The following ITPR1 variants were observed in gnomAD, a reference collection of about 807,000 sequenced individuals.
ITPR1 encodes the protein inositol 1,4,5-trisphosphate-gated calcium channel ITPR1.
ITPR1 carries 96 observed loss-of-function variants against 318.4 expected under a neutral mutation model. The ratio of observed to expected loss-of-function variants is 0.30; its 90% CI spans 0.26 to 0.36. ITPR1 has a LOEUF of 0.36. ITPR1 is among the 10% of genes least tolerant of loss of function. ITPR1 has a pLI of 1.00. For missense variants in ITPR1, 2,440 were observed against 3,460.2 expected (o/e 0.71, Z 7.40); for synonymous variants, 1,312 against 1,289.9 (o/e 1.02, Z -0.37).
intron 4 of ITPR1, among the ~76,000 whole-genome samples, chr3:4,613,026 G>A (rs978169038): frequency 6.6e-6 from 1 of 152,226 alleles, no homozygotes; most frequent in East Asian, 1.9e-4. Context: ...CTGTGACACA[G>A]TCTCTGGAAG....
chr3:4,643,961 C>A (rs1470840058), intron 7 of ITPR1, among the ~76,000 whole-genome samples, 175 bp from the exon 8 acceptor site: 1 of 152,116 alleles, frequency 6.6e-6, no homozygotes, highest in African/African-American at 2.4e-5. Flanking sequence ...ACATGACCCC[C>A]TCTGCACAGG....
chr3:4,711,149 T>C (rs183759929), intron 38 of ITPR1, among the ~76,000 whole-genome samples: 124 of 133,738 alleles, frequency 9.3e-4, no homozygotes, highest in Middle Eastern at 5.1e-3. Context: ...AAGCAGAGGC[T>C]ACAGTGAGCC....
chr3:4,688,793 G>A (rs148467367), intron 31 of ITPR1, among the ~76,000 whole-genome samples, 173 bp downstream of exon 31: 35 of 152,282 alleles, frequency 2.3e-4, no homozygotes, highest in Admixed American at 5.2e-4. Flanking sequence ...CTCATCTTTT[G>A]GGGATGAGAT....
intron 52 of ITPR1, among the ~76,000 whole-genome samples, chr3:4,790,358 A>G (rs1056640976): frequency 3.3e-5 from 5 of 152,216 alleles, no homozygotes; most frequent in African/African-American, 9.6e-5. Context: ...TCATTATGCC[A>G]AGACTTATAT....
chr3:4,634,883 C>A (rs918555657), intron 5 of ITPR1, among the ~76,000 whole-genome samples: 7 of 152,158 alleles, frequency 4.6e-5, no homozygotes, highest in African/African-American at 1.7e-4. Context: ...GGATTACAGG[C>A]ATGCACCACC....
chr3:4,815,004 C>A, intron 58 of ITPR1, 49 bp from the exon 59 acceptor site: 9 of 1,509,588 alleles, frequency 6.0e-6, no homozygotes, highest in Non-Finnish European at 8.1e-6. Flanking sequence ...CTCCGCAGAC[C>A]AAAGGGTCGC....
At chr3:4,789,364 C>T (rs2125407633) in intron 52 of ITPR1, among the ~76,000 whole-genome samples, 1 of 152,290 alleles carries the variant, frequency 6.6e-6, no homozygotes, top group East Asian at 1.9e-4. Context: ...GTAGATTCCT[C>T]AAAGACTCTT....
chr3:4,729,639 C>T (rs1411123719), intron 42 of ITPR1, among the ~76,000 whole-genome samples: 1 of 152,196 alleles, frequency 6.6e-6, no homozygotes, highest in Non-Finnish European at 1.5e-5. Context: ...TAGTTCAGTT[C>T]ATATCAGTGG....
chr3:4,590,174 C>CTTT lies in ITPR1; in HGVS notation c.164-37570_164-37568dup, dbSNP rs10713337. Among the ~76,000 whole-genome samples the CTTT allele has an allele frequency of 5.7e-4, 50 of 87,434 alleles. 1 individual carries two copies. The highest frequency in any genetic ancestry group is 8.0e-4 in the Admixed American group (6 of 7,514). The allele number at this position is 87,434 out of a possible 152,430, so 57.4% of individuals were successfully genotyped here. A position where few individuals can be genotyped will look rare whatever the true frequency, so the allele number is the denominator to read the frequency against. On this transcript the variant is annotated intron_variant, in intron 4 of 61. Coordinates refer to ENST00000649015, the MANE Select transcript of ITPR1 (RefSeq NM_001378452.1). The stretch of plus-strand genomic sequence containing the variant: ...CCCTTTGTGTCTCCTCTTCGTCTTG[C>CTTT]TTTTTTTTTTTTTTTTTTTTTGTCT...
At chr3:4,667,583 T>TA in intron 18 of ITPR1, 34 bp downstream of exon 18, 1 of 1,581,070 alleles carries the variant, frequency 6.3e-7, no homozygotes, top group South Asian at 1.1e-5. Flanking sequence ...CAGGATGGTG[T>TA]CTCTGCCTGT....
In ITPR1 at chr3:4,815,205, G is replaced by A. The variant is rs777975463; in HGVS notation, c.7854G>A (p.Thr2618=). The A allele has an allele frequency of 1.4e-5, 23 of 1,613,754 alleles. No individual in the cohort carries two copies. The highest frequency in any genetic ancestry group is 6.7e-5 in the African/African-American group (5 of 74,912). ...KQKKEEILKT[T]CFICGLERDK... ...AGAAGGAAGAGATCTTGAAGACCAC[G>A]TGCTTTATCTGTGGTGAGTGTCGCT... is the stretch of plus-strand genomic sequence containing the variant. Residue 2618 remains threonine (T), a synonymous_variant, in exon 59 of 62, where the codon ACG becomes ACA. Coordinates refer to ENST00000649015, the MANE Select transcript of ITPR1 (RefSeq NM_001378452.1).
intron 4 of ITPR1, among the ~76,000 whole-genome samples, chr3:4,548,989 G>A (rs1440514926): frequency 6.6e-6 from 1 of 152,056 alleles, no homozygotes; most frequent in Non-Finnish European, 1.5e-5. Flanking sequence ...GTCACTTTTC[G>A]GGAGGGGGGG....
chr3:4,526,184 A>G (rs1021505944), intron 4 of ITPR1, among the ~76,000 whole-genome samples: 4 of 152,236 alleles, frequency 2.6e-5, no homozygotes, highest in African/African-American at 9.6e-5. Flanking sequence ...GCAGCTTTTA[A>G]CTTTGCAGGG....
chr3:4,806,033 T>C, intron 54 of ITPR1, 70 bp from the exon 55 acceptor site: 1 of 1,289,546 alleles, frequency 7.8e-7, no homozygotes, highest in Non-Finnish European at 1.1e-6. Context: ...TTGTGTGAGA[T>C]GCTCTCGTTG....
At chr3:4,834,669 G>T (rs1005907440) in intron 60 of ITPR1, among the ~76,000 whole-genome samples, 1 of 152,320 alleles carries the variant, frequency 6.6e-6, no homozygotes, top group East Asian at 1.9e-4. Context: ...AGATGTGGCT[G>T]TGTCTGAAGG....
chr3:4,701,249 C>T (rs1176070989), intron 35 of ITPR1, among the ~76,000 whole-genome samples: 1 of 152,196 alleles, frequency 6.6e-6, no homozygotes, highest in East Asian at 1.9e-4. Context: ...GTTCTCATCC[C>T]AAATCCAGCA....
intron 4 of ITPR1, among the ~76,000 whole-genome samples, chr3:4,569,536 A>G (rs771880705): frequency 7.2e-5 from 11 of 152,238 alleles, no homozygotes; most frequent in Non-Finnish European, 1.6e-4. Flanking sequence ...GGCCTCATCC[A>G]TAAACTAAAG....
Position 4,652,160 on chromosome 3 carries a change from A to G in ITPR1, c.893A>G (p.Tyr298Cys), listed in dbSNP as rs1199922497. The G allele has an allele frequency of 6.2e-7, 1 of 1,612,984 alleles. No individual in the cohort carries two copies. The highest frequency in any genetic ancestry group is 8.5e-7 in the Non-Finnish European group (1 of 1,179,642). ...GACCCATGTCGGGGCGGAGCAGGGT[A>G]TTGGAACAGCCTTTTCCGTTTCAAG... is the stretch of plus-strand genomic sequence containing the variant. Reference protein sequence around the residue: ...QHDPCRGGAGYWNSLFRFKHL... With the variant: ...QHDPCRGGAGCWNSLFRFKHL... The change falls in exon 11 of 62, where the codon TAT becomes TGT. Residue 298 changes from tyrosine to cysteine, a missense_variant. Tyr to Cys is a radical substitution (Grantham distance 194). This residue lies in a region of ITPR1 where 32 missense variants were observed against 62.7 expected (regional missense o/e 0.51). Coordinates refer to ENST00000649015, the MANE Select transcript of ITPR1 (RefSeq NM_001378452.1).
chr3:4,621,706 C>A (rs906301757), intron 4 of ITPR1, among the ~76,000 whole-genome samples: 5 of 152,224 alleles, frequency 3.3e-5, no homozygotes, highest in African/African-American at 1.2e-4. Flanking sequence ...GCCTTATCTT[C>A]TGCAGCTCTA....
Sources: allele counts gnomAD v4.1 joint callset (sites outside exome capture counted in the v4.1 genomes callset), GRCh38; gene constraint gnomAD v4.1.1; regional missense constraint gnomAD v4.1.1; transcripts MANE v1.5; gene names NCBI Gene and HGNC (gene_info 2026-07-23, HGNC 2026-07-21).